Variants in TENM3 observed in about 807,000 individuals in gnomAD.
TENM3 encodes teneurin-3.
In TENM3, 63 loss-of-function variants were observed where a neutral mutation model predicts 255.1. The ratio of observed to expected loss-of-function variants is 0.25; its 90% CI spans 0.20 to 0.30. TENM3 has a LOEUF of 0.30. TENM3 is among the 10% of genes least tolerant of loss of function. The pLI, the probability that TENM3 is intolerant of heterozygous loss-of-function variation, is 1.00. For synonymous variants in TENM3, 1,306 were observed against 1,322.3 expected, an observed-to-expected ratio of 0.99 and a Z score of 0.27; for missense variants, 2,929 against 3,461.1, an observed-to-expected ratio of 0.85 and a Z score of 3.86.
chr4:181,856,323 C>G, the TENM3 span, among the ~76,000 whole-genome samples: 6 of 152,202 alleles, frequency 3.9e-5, no homozygotes, highest in East Asian at 1.2e-3. Context: ...ATGCCAAGAC[C>G]TATAAATCTA....
At chr4:182,341,459 C>T (rs114469641) in intron 2 of TENM3, among the ~76,000 whole-genome samples, 1,706 of 152,234 alleles carry the variant, frequency 0.011, 15 homozygotes, top group Non-Finnish European at 0.017. Flanking sequence ...CATAATTCTA[C>T]AACTTGCATT....
chr4:182,368,810 C>T (rs1766600085), intron 3 of TENM3, among the ~76,000 whole-genome samples: 1 of 152,152 alleles, frequency 6.6e-6, no homozygotes, highest in African/African-American at 2.4e-5. Flanking sequence ...GCATGTGCAG[C>T]CCATCTGTAG....
At chr4:181,722,135 C>CTAG in the TENM3 span, among the ~76,000 whole-genome samples, 1 of 152,082 alleles carries the variant, frequency 6.6e-6, no homozygotes, top group Non-Finnish European at 1.5e-5. Context: ...AACTGTCAGG[C>CTAG]TAGTGTGAAG....
the TENM3 span, among the ~76,000 whole-genome samples, chr4:181,654,173 G>A: frequency 6.8e-6 from 1 of 148,138 alleles, no homozygotes; most frequent in Admixed American, 6.8e-5. Flanking sequence ...CTAAAATAAA[G>A]CTCAATCATG....
chr4:181,636,592 C>A, the TENM3 span, among the ~76,000 whole-genome samples: 2 of 152,256 alleles, frequency 1.3e-5, no homozygotes, highest in Middle Eastern at 3.4e-3. Flanking sequence ...CCCAGCCAAT[C>A]CATCAGCAGT....
intron 1 of TENM3, chr4:182,169,466 A>G (rs1001580365): frequency 9.1e-6 from 3 of 331,334 alleles, no homozygotes; most frequent in Admixed American, 8.8e-5. Flanking sequence ...ATAATTTACT[A>G]CCACCTAAAA....
the TENM3 span, among the ~76,000 whole-genome samples, chr4:181,861,715 C>T: frequency 6.6e-6 from 1 of 152,052 alleles, no homozygotes. Context: ...TTGGTTAGCT[C>T]CGTGATGGTT....
the TENM3 span, among the ~76,000 whole-genome samples, chr4:181,474,475 G>A: frequency 6.6e-6 from 1 of 151,948 alleles, no homozygotes; most frequent in Non-Finnish European, 1.5e-5. Flanking sequence ...GGTGACTCAC[G>A]CCTGTAATCC....
At chr4:182,640,521 A>G (rs975030784) in intron 5 of TENM3, among the ~76,000 whole-genome samples, 1 of 152,252 alleles carries the variant, frequency 6.6e-6, no homozygotes, top group South Asian at 2.1e-4. Context: ...CATAAATTTT[A>G]CATTTTCCAT....
At chr4:181,517,355 GCTC>G in the TENM3 span, among the ~76,000 whole-genome samples, 1 of 152,142 alleles carries the variant, frequency 6.6e-6, no homozygotes, top group Non-Finnish European at 1.5e-5. Flanking sequence ...GTCAAATAAA[GCTC>G]CTATCTGGGA....
intron 1 of TENM3, among the ~76,000 whole-genome samples, chr4:182,311,723 A>G (rs1223969756): frequency 2.0e-5 from 3 of 152,326 alleles, no homozygotes; most frequent in African/African-American, 7.2e-5. Context: ...ATTGAAATTA[A>G]TAATTCGTCA....
At chr4:181,694,123 C>G in the TENM3 span, among the ~76,000 whole-genome samples, 2 of 151,952 alleles carry the variant, frequency 1.3e-5, no homozygotes, top group Non-Finnish European at 2.9e-5. Context: ...AGAACTGTGC[C>G]AAAACATGGT....
In TENM3 at chr4:182,265,753, A is replaced by G. The variant is rs547649648; in HGVS notation, c.-76+22277A>G. The stretch of plus-strand genomic sequence containing the variant: ...GTTGTGTGTAGTGCTCATATAAAAG[A>G]GCTCTAGTTAATTGGCTTAAATAAA... On this transcript the variant is annotated intron_variant, in intron 1 of 27. Transcript: ENST00000511685. Among the ~76,000 whole-genome samples, 4 of 152,280 alleles carry G rather than the reference A, an allele frequency of 2.6e-5. No homozygotes were observed. The South Asian group carries it at 6.2e-4, about 24-fold the overall frequency.
chr4:182,395,024 T>C (rs768957187), intron 3 of TENM3, among the ~76,000 whole-genome samples: 5 of 152,206 alleles, frequency 3.3e-5, no homozygotes, highest in African/African-American at 4.8e-5. Flanking sequence ...GATCATTCAA[T>C]ATATAGGCTC....
intron 1 of TENM3, among the ~76,000 whole-genome samples, chr4:182,203,392 ACCATCCCCTGG>A (rs1410505792): frequency 6.6e-6 from 1 of 152,140 alleles, no homozygotes; most frequent in Non-Finnish European, 1.5e-5. Flanking sequence ...AGCTTCCTTC[ACCATCCCCTGG>A]CCAGTTCCCA....
At chr4:182,534,646 T>A (rs1740112304) in intron 3 of TENM3, among the ~76,000 whole-genome samples, 1 of 152,222 alleles carries the variant, frequency 6.6e-6, no homozygotes, top group African/African-American at 2.4e-5. Context: ...ATATAAGAGC[T>A]TGTTTCTTCG....
chr4:181,785,065 A>G, the TENM3 span, among the ~76,000 whole-genome samples: 1 of 152,276 alleles, frequency 6.6e-6, no homozygotes, highest in Non-Finnish European at 1.5e-5. Flanking sequence ...CTAAGTGCTG[A>G]GTGACAAGAG....
chr4:181,889,939 C>T, the TENM3 span, among the ~76,000 whole-genome samples: 1 of 152,142 alleles, frequency 6.6e-6, no homozygotes, highest in African/African-American at 2.4e-5. Context: ...AATATAATTT[C>T]TCCATGAATG....
chr4:181,959,046 G>A, the TENM3 span, among the ~76,000 whole-genome samples: 1 of 152,182 alleles, frequency 6.6e-6, no homozygotes, highest in Admixed American at 6.5e-5. Flanking sequence ...TTTTGTTGTT[G>A]TTGTTTGTTT....
Sources: allele counts gnomAD v4.1 joint callset (sites outside exome capture counted in the v4.1 genomes callset), GRCh38; gene constraint gnomAD v4.1.1; transcripts MANE v1.5; gene names NCBI Gene and HGNC (gene_info 2026-07-23, HGNC 2026-07-21).